SPMAP2L: variants seen among roughly 807,000 people sequenced by gnomAD.
SPMAP2L encodes the protein sperm microtubule associated protein 2-like.
the SPMAP2L span, among the ~76,000 whole-genome samples, chr4:56,602,182 A>G: frequency 3.9e-5 from 6 of 152,180 alleles, no homozygotes; most frequent in Non-Finnish European, 1.5e-5. Context: ...CCCGAGCCTC[A>G]ATTAATTTTG....
the SPMAP2L span, among the ~76,000 whole-genome samples, chr4:56,584,093 A>G: frequency 2.6e-5 from 4 of 152,032 alleles, no homozygotes; most frequent in Non-Finnish European, 5.9e-5. Context: ...CAGCCTTGCA[A>G]GTAGCTGGGA....
the SPMAP2L span, among the ~76,000 whole-genome samples, chr4:56,583,631 A>G: frequency 6.6e-6 from 1 of 152,192 alleles, no homozygotes; most frequent in Admixed American, 6.5e-5. Context: ...GGAGCAGCCT[A>G]TGAAAATTGG....
the SPMAP2L span, among the ~76,000 whole-genome samples, chr4:56,544,114 G>A: frequency 1.3e-5 from 2 of 151,868 alleles, no homozygotes; most frequent in Non-Finnish European, 1.5e-5. Flanking sequence ...TCAGCCTCCC[G>A]AGTAGCTGGG....
the SPMAP2L span, among the ~76,000 whole-genome samples, chr4:56,532,051 G>A: frequency 1.3e-5 from 2 of 152,154 alleles, no homozygotes; most frequent in African/African-American, 2.4e-5. Flanking sequence ...GACTCTTGCT[G>A]TGCAAAATTG....
the SPMAP2L span, chr4:56,552,446 T>C: frequency 1.5e-6 from 1 of 673,072 alleles, no homozygotes; most frequent in South Asian, 1.7e-5. Context: ...AATACAGCAT[T>C]GGTTTTAGTT....
At chr4:56,584,738 C>A in the SPMAP2L span, 1 of 670,320 alleles carries the variant, frequency 1.5e-6, no homozygotes, top group South Asian at 1.8e-5. Flanking sequence ...ACTTTTCTGA[C>A]TCTTTCTTCC....
At chr4:56,593,172 G>A in the SPMAP2L span, 1 of 1,550,528 alleles carries the variant, frequency 6.4e-7, no homozygotes, top group East Asian at 2.2e-5. Flanking sequence ...TCTCAGGGGA[G>A]GCTGGAGAGT....
chr4:56,540,369 C>A, the SPMAP2L span, among the ~76,000 whole-genome samples: 3 of 152,060 alleles, frequency 2.0e-5, no homozygotes. Context: ...ATGCCAAAAC[C>A]CTGCCTCTGC....
chr4:56,606,095 G>A, the SPMAP2L span, among the ~76,000 whole-genome samples: 1 of 152,212 alleles, frequency 6.6e-6, no homozygotes, highest in Middle Eastern at 3.4e-3. Context: ...CGTCTCTTTG[G>A]CCGCCGGCTT....
chr4:56,571,786 T>C, the SPMAP2L span, among the ~76,000 whole-genome samples: 1 of 152,170 alleles, frequency 6.6e-6, no homozygotes, highest in East Asian at 1.9e-4. Context: ...AGTTTGAGGC[T>C]GCAGTGAGCT....
the SPMAP2L span, among the ~76,000 whole-genome samples, chr4:56,571,921 C>A: frequency 6.6e-6 from 1 of 152,164 alleles, no homozygotes; most frequent in African/African-American, 2.4e-5. Flanking sequence ...TCCACCTCCA[C>A]ATCTTGTCTC....
the SPMAP2L span, among the ~76,000 whole-genome samples, chr4:56,582,200 T>C: frequency 6.6e-6 from 1 of 151,948 alleles, no homozygotes; most frequent in Admixed American, 6.6e-5. Context: ...AAAAAATAAA[T>C]TGGACTTCAT....
chr4:56,605,681 C>T, the SPMAP2L span, among the ~76,000 whole-genome samples: 1 of 152,120 alleles, frequency 6.6e-6, no homozygotes, highest in Admixed American at 6.5e-5. Flanking sequence ...CACTAGGGCT[C>T]CTCACCCAAC....
chr4:56,593,093 A>G, the SPMAP2L span: 1 of 1,580,324 alleles, frequency 6.3e-7, no homozygotes, highest in Non-Finnish European at 8.7e-7. Flanking sequence ...AGTGCCACAG[A>G]CGATTTTGCG....
the SPMAP2L span, among the ~76,000 whole-genome samples, chr4:56,603,010 T>A: frequency 1.1e-4 from 17 of 152,224 alleles, no homozygotes; most frequent in African/African-American, 4.1e-4. Context: ...CTGAGAGACA[T>A]ATAAATCTGG....
chr4:56,594,971 G>T, the SPMAP2L span: 1 of 1,608,248 alleles, frequency 6.2e-7, no homozygotes, highest in Non-Finnish European at 8.5e-7. Flanking sequence ...GCCCATTGGC[G>T]TAAGAAATAC....
At chr4:56,559,413 AG>A in the SPMAP2L span, 1 of 1,522,380 alleles carries the variant, frequency 6.6e-7, no homozygotes, top group Non-Finnish European at 8.7e-7. Flanking sequence ...GGGGAAATCA[AG>A]ATCCTATTCG....
At chr4:56,543,352 G>A in the SPMAP2L span, among the ~76,000 whole-genome samples, 4 of 152,008 alleles carry the variant, frequency 2.6e-5, no homozygotes, top group Admixed American at 6.6e-5. Flanking sequence ...CAAAGTGCTC[G>A]GATTACAGAC....
chr4:56,531,044 A>C, the SPMAP2L span: 1 of 1,535,178 alleles, frequency 6.5e-7, no homozygotes, highest in Non-Finnish European at 8.7e-7. Flanking sequence ...CAGCTCCGCC[A>C]CACCCGTGAG....
Sources: allele counts gnomAD v4.1 joint callset (sites outside exome capture counted in the v4.1 genomes callset), GRCh38; gene constraint gnomAD v4.1.1; transcripts MANE v1.5; gene names NCBI Gene and HGNC (gene_info 2026-07-23, HGNC 2026-07-21).